The following MAML3 variants were observed in gnomAD, a reference collection of about 807,000 sequenced individuals.
MAML3 encodes mastermind like transcriptional coactivator 3.
MAML3 carries 27 observed loss-of-function variants against 101.9 expected under a neutral mutation model. That is an observed-to-expected ratio of 0.27 (90% CI 0.20 to 0.37). The LOEUF is 0.37. Among genes scored for constraint, MAML3 ranks in the 10% least tolerant of loss-of-function variants. The pLI is 1.00. For missense variants in MAML3, 1,316 were observed against 1,444.9 expected (o/e 0.91, Z 1.45); for synonymous variants, 501 against 555.9 (o/e 0.90, Z 1.39).
At chr4:139,758,849 C>T (rs949424949) in intron 2 of MAML3, among the ~76,000 whole-genome samples, 6 of 152,198 alleles carry the variant, frequency 3.9e-5, no homozygotes, top group South Asian at 2.1e-4. Flanking sequence ...GACAAATACA[C>T]CAAGTGATAT....
At chr4:139,979,300 C>T (rs1001970394) in intron 1 of MAML3, among the ~76,000 whole-genome samples, 2 of 152,102 alleles carry the variant, frequency 1.3e-5, no homozygotes, top group Non-Finnish European at 2.9e-5. Flanking sequence ...CTCATAGCTC[C>T]CTCTTTAGCT....
chr4:139,827,213 C>G (rs541656336), intron 2 of MAML3, among the ~76,000 whole-genome samples: 1 of 152,012 alleles, frequency 6.6e-6, no homozygotes, highest in African/African-American at 2.4e-5. Context: ...TAAAGACACC[C>G]AAAGAGTGAC....
intron 1 of MAML3, among the ~76,000 whole-genome samples, chr4:140,128,634 C>A (rs548291879): frequency 5.3e-5 from 8 of 152,254 alleles, no homozygotes; most frequent in African/African-American, 1.7e-4. Flanking sequence ...ACAGGCTATC[C>A]CCACACAAAG....
intron 1 of MAML3, among the ~76,000 whole-genome samples, chr4:140,111,574 G>A (rs750164506): frequency 5.3e-5 from 8 of 152,162 alleles, no homozygotes; most frequent in South Asian, 2.1e-4. Context: ...TCCCCTTATA[G>A]TGGAATTTGA....
chr4:140,049,209 C>A (rs1240488489), intron 1 of MAML3, among the ~76,000 whole-genome samples: 3 of 152,170 alleles, frequency 2.0e-5, no homozygotes, highest in African/African-American at 7.2e-5. Flanking sequence ...GGATTCACCT[C>A]CCCCATTCTT....
intron 1 of MAML3, among the ~76,000 whole-genome samples, chr4:140,035,414 T>A (rs368436132): frequency 5.3e-5 from 8 of 152,174 alleles, no homozygotes; most frequent in African/African-American, 1.9e-4. Flanking sequence ...AATAGTATAA[T>A]TACTGCAATC....
intron 1 of MAML3, among the ~76,000 whole-genome samples, chr4:140,125,214 T>G (rs997060096): frequency 6.6e-6 from 1 of 152,158 alleles, no homozygotes; most frequent in Non-Finnish European, 1.5e-5. Flanking sequence ...AAAGAACATT[T>G]TAAAATAAAA....
rs867845450 is a variant in MAML3, at chr4:139,966,641, C to T, written c.469-75674G>A. On this transcript the variant is annotated intron_variant, in intron 1 of 4. Transcript: ENST00000509479. The stretch of plus-strand genomic sequence containing the variant: ...GACCGATGCCTGATGACTCTACCAG[C>T]GGATCTTCACAGTAACCAGAGATGT... Among the ~76,000 whole-genome samples the T allele has an allele frequency of 3.2e-4, 48 of 152,260 alleles. 1 individual carries two copies. The highest frequency in any genetic ancestry group is 9.9e-4 in the African/African-American group (41 of 41,548).
chr4:140,124,869 AGTATCT>A (rs1728661158), intron 1 of MAML3, among the ~76,000 whole-genome samples: 1 of 152,242 alleles, frequency 6.6e-6, no homozygotes, highest in Non-Finnish European at 1.5e-5. Flanking sequence ...GAGCAATTCC[AGTATCT>A]GAAACTCACA....
At chr4:139,819,785 AC>A (rs1395365238) in intron 2 of MAML3, among the ~76,000 whole-genome samples, 1 of 152,226 alleles carries the variant, frequency 6.6e-6, no homozygotes, top group Non-Finnish European at 1.5e-5. Flanking sequence ...AGATCTGAAG[AC>A]TTTCTTTAAC....
intron 2 of MAML3, among the ~76,000 whole-genome samples, chr4:139,863,834 T>TTTTTTTTTG (rs1193199746): frequency 3.2e-5 from 1 of 31,684 alleles, no homozygotes; most frequent in Non-Finnish European, 5.5e-5. Context: ...GAACATGGGT[T>TTTTTTTTTG]TTTTTTTTTT....
chr4:139,777,526 C>T (rs903656346), intron 2 of MAML3, among the ~76,000 whole-genome samples: 3 of 152,146 alleles, frequency 2.0e-5, no homozygotes, highest in Non-Finnish European at 4.4e-5. Context: ...TGCTTTAAAA[C>T]ATTTATATTT....
At chr4:139,814,651 G>GA (rs1308772189) in intron 2 of MAML3, among the ~76,000 whole-genome samples, 1 of 152,160 alleles carries the variant, frequency 6.6e-6, no homozygotes, top group Non-Finnish European at 1.5e-5. Context: ...TACGATAGCT[G>GA]AAAGGTGGGT....
At chr4:139,811,083 T>C (rs983829007) in intron 2 of MAML3, among the ~76,000 whole-genome samples, 2 of 152,210 alleles carry the variant, frequency 1.3e-5, no homozygotes, top group African/African-American at 4.8e-5. Flanking sequence ...GAAGGAGATA[T>C]GAAATAACTG....
At chr4:140,006,658 G>C (rs13145728) in intron 1 of MAML3, among the ~76,000 whole-genome samples, 39,492 of 150,324 alleles carry the variant, frequency 0.26, 6,526 homozygotes, top group Non-Finnish European at 0.37. Context: ...CAGAAAAAAA[G>C]GTGGTTAGCA....
At chr4:139,850,798 C>T (rs192582813) in intron 2 of MAML3, among the ~76,000 whole-genome samples, 2 of 152,066 alleles carry the variant, frequency 1.3e-5, no homozygotes, top group Admixed American at 1.3e-4. Flanking sequence ...CACACCTCAG[C>T]CTCCCAATGT....
chr4:139,864,924 T>TTGTTG (rs34182641), intron 2 of MAML3, among the ~76,000 whole-genome samples: 1 of 19,652 alleles, frequency 5.1e-5, no homozygotes, highest in Non-Finnish European at 9.8e-5. Flanking sequence ...GCAAACTTGC[T>TTGTTG]TTTTTTTTTT....
intron 1 of MAML3, among the ~76,000 whole-genome samples, chr4:139,976,071 A>C (rs144090337): frequency 1.1e-4 from 17 of 152,328 alleles, no homozygotes; most frequent in Admixed American, 6.5e-4. Flanking sequence ...ATTTCTGAGA[A>C]TGGCTAAAAG....
intron 2 of MAML3, among the ~76,000 whole-genome samples, chr4:139,869,462 TC>T (rs1430947336): frequency 2.6e-5 from 4 of 152,200 alleles, no homozygotes; most frequent in African/African-American, 9.7e-5. Context: ...GAATTCTTTA[TC>T]CAGAGATAAA....
Sources: gnomAD v4.1 joint callset for allele counts (sites outside exome capture counted in the v4.1 genomes callset) on GRCh38, gnomAD v4.1.1 for gene constraint, MANE v1.5 for transcripts, NCBI Gene and HGNC (gene_info 2026-07-23, HGNC 2026-07-21) for gene names.